Variants in ABI2 observed in about 807,000 individuals in gnomAD.
ABI2 encodes abl interactor 2.
In ABI2, 25 loss-of-function variants were observed where a neutral mutation model predicts 59.2. That is an observed-to-expected ratio of 0.42 (90% CI 0.31 to 0.59). The LOEUF (loss-of-function observed/expected upper bound fraction) is 0.59, where lower values mean the gene tolerates loss of function less well. Among genes scored for constraint, ABI2 ranks in the 20% least tolerant of loss-of-function variants. The pLI is 0.14. For missense variants in ABI2, 545 were observed against 681.8 expected (o/e 0.80, Z 2.23); for synonymous variants, 213 against 235.5 (o/e 0.90, Z 0.87).
intron 2 of ABI2, 28 bp from the exon 3 acceptor site, chr2:203,380,180 G>A: frequency 2.1e-6 from 3 of 1,416,862 alleles, no homozygotes; most frequent in Non-Finnish European, 2.9e-6. Flanking sequence ...ATACATTTTT[G>A]TGTTGTTTTT....
intron 1 of ABI2, among the ~76,000 whole-genome samples, chr2:203,337,528 A>G (rs1559149947): frequency 6.6e-6 from 1 of 152,242 alleles, no homozygotes; most frequent in African/African-American, 2.4e-5. Context: ...GTGCTCATGA[A>G]TTGGTAGATT....
At chr2:203,340,691 G>A (rs1325113837) in intron 1 of ABI2, among the ~76,000 whole-genome samples, 5 of 151,736 alleles carry the variant, frequency 3.3e-5, no homozygotes, top group Non-Finnish European at 7.4e-5. Context: ...CCCACTCCCC[G>A]CTCCCACCAA....
At chr2:203,357,298 T>A (rs911282009) in intron 1 of ABI2, among the ~76,000 whole-genome samples, 5 of 152,200 alleles carry the variant, frequency 3.3e-5, no homozygotes, top group Non-Finnish European at 7.3e-5. Flanking sequence ...AAATTAATTA[T>A]TTAAGAGCAA....
intron 1 of ABI2, among the ~76,000 whole-genome samples, chr2:203,361,896 ATAT>A (rs1482846970): frequency 3.9e-5 from 6 of 152,326 alleles, no homozygotes; most frequent in Middle Eastern, 3.4e-3. Context: ...TGATTGTACT[ATAT>A]TAGTGAGGAA....
intron 8 of ABI2, among the ~76,000 whole-genome samples, 191 bp downstream of exon 8, chr2:203,397,158 A>T (rs1054588069): frequency 2.6e-5 from 4 of 152,226 alleles, no homozygotes; most frequent in Admixed American, 1.3e-4. Context: ...AGTTTCTCAT[A>T]CATTTTTCCA....
rs58788722 is a variant in ABI2, at chr2:203,343,310, G to C, written c.117+14679G>C. Reference sequence around the variant, plus strand: ...ACTCGGGAAGCGGAGGTTGCAGTTAGCTGAGATTGCGGCACTGCACTCTAG... The same window carrying C: ...ACTCGGGAAGCGGAGGTTGCAGTTACCTGAGATTGCGGCACTGCACTCTAG... On this transcript the variant is annotated intron_variant, in intron 1 of 11. Transcript: ENST00000261018. Among the ~76,000 whole-genome samples, 973 of 152,316 alleles carry C rather than the reference G, an allele frequency of 6.4e-3. 12 individuals are homozygous for C. The highest frequency in any genetic ancestry group is 0.023 in the African/African-American group (944 of 41,564).
At chr2:203,385,565 C>T (rs2096467773) in intron 4 of ABI2, among the ~76,000 whole-genome samples, 1 of 152,172 alleles carries the variant, frequency 6.6e-6, no homozygotes, top group Non-Finnish European at 1.5e-5. Context: ...GGACTGTTTT[C>T]ACTTGAGTAC....
intron 1 of ABI2, among the ~76,000 whole-genome samples, chr2:203,365,083 T>TA (rs1317804399): frequency 2.0e-5 from 3 of 151,474 alleles, no homozygotes; most frequent in Non-Finnish European, 2.9e-5. Flanking sequence ...ATGCCCAAGT[T>TA]AAAAAAAAAT....
chr2:203,368,554 A>G (rs988893441), intron 2 of ABI2, among the ~76,000 whole-genome samples: 1 of 152,168 alleles, frequency 6.6e-6, no homozygotes, highest in African/African-American at 2.4e-5. Flanking sequence ...ATAAAATCAG[A>G]TATGGTATTT....
chr2:203,371,265 C>A (rs929067598), intron 2 of ABI2, among the ~76,000 whole-genome samples: 1 of 152,154 alleles, frequency 6.6e-6, no homozygotes, highest in African/African-American at 2.4e-5. Context: ...GAACTGTTTC[C>A]CAAATTACTC....
chr2:203,424,788 T>TTG (rs1291857569), intron 11 of ABI2, among the ~76,000 whole-genome samples: 1 of 152,250 alleles, frequency 6.6e-6, no homozygotes, highest in Non-Finnish European at 1.5e-5. Flanking sequence ...AAGAAAAAGC[T>TTG]GAACAGTTGT....
chr2:203,411,243 C>A lies in ABI2; in HGVS notation c.1193-42C>A. On this transcript the variant is annotated intron_variant, in intron 9 of 11. Transcript: ENST00000261018. ...ATTATCCTTTCCTTTTAATGTAACT[C>A]GCCCTTATCCCTTATCCTCCACACC... 4 of 1,413,540 alleles carry A rather than the reference C, an allele frequency of 2.8e-6. No individual in the cohort carries two copies. In the East Asian group the frequency reaches 6.8e-5, roughly 24 times the overall value. 87.6% of individuals were successfully genotyped at this position (1,413,540 alleles called of 1,614,324 possible). A position where few individuals can be genotyped will look rare whatever the true frequency, so the allele number is the denominator to read the frequency against.
In ABI2 at chr2:203,377,941, C is replaced by T. The variant is rs1417003262; in HGVS notation, c.286-2267C>T. Among the ~76,000 whole-genome samples, 3 of 152,106 alleles carry T rather than the reference C, an allele frequency of 2.0e-5. No homozygotes were observed. The South Asian group carries it at 6.2e-4, about 32-fold the overall frequency. ...AATTTAATCCAAATGTGATTAATTT[C>T]CATTTCTCTAAAGTTAAAAATTAAG... On this transcript the variant is annotated intron_variant, in intron 2 of 11. Coordinates refer to ENST00000261018, the MANE Select transcript of ABI2 (RefSeq NM_001375670.1).
At chr2:203,334,456 C>T (rs1168137158) in intron 1 of ABI2, among the ~76,000 whole-genome samples, 1 of 152,056 alleles carries the variant, frequency 6.6e-6, no homozygotes, top group Non-Finnish European at 1.5e-5. Flanking sequence ...TATGCAGTTT[C>T]AGGGTGTGTA....
At position 203,428,433 on chromosome 2, in the gene ABI2, T is replaced by C. The variant is rs997303936; in HGVS notation, c.*1081T>C. 6.6e-6 allele frequency: 1 copy of C among 152,648 alleles called. No homozygotes were observed. The highest frequency in any genetic ancestry group is 1.5e-5 in the Non-Finnish European group (1 of 68,044). 9.5% of individuals were successfully genotyped at this position (152,648 alleles called of 1,614,324 possible). On this transcript the variant is annotated 3_prime_UTR_variant, in exon 12 of 12. Coordinates refer to ENST00000261018, the MANE Select transcript of ABI2 (RefSeq NM_001375670.1). ...CCAGTATTAGTTGCTGCTGTATTAC[T>C]GACTCGCTTAGCTGTAGAAAGGGTA...
At chr2:203,387,973 A>C (rs542966203) in intron 4 of ABI2, among the ~76,000 whole-genome samples, 4 of 152,090 alleles carry the variant, frequency 2.6e-5, no homozygotes, top group Admixed American at 2.0e-4. Flanking sequence ...ATCAATCATG[A>C]TGGCTGTCTA....
At chr2:203,423,814 TAAAAAG>T (rs1413951314) in intron 11 of ABI2, among the ~76,000 whole-genome samples, 1 of 152,204 alleles carries the variant, frequency 6.6e-6, no homozygotes, top group Non-Finnish European at 1.5e-5. Flanking sequence ...GGATTAAAAT[TAAAAAG>T]AGAATCATTT....
chr2:203,392,546 A>C (rs1056921187), intron 5 of ABI2, among the ~76,000 whole-genome samples: 8 of 152,180 alleles, frequency 5.3e-5, no homozygotes, highest in African/African-American at 1.9e-4. Context: ...GAGAGAGAGA[A>C]AATCTAGTGG....
At chr2:203,424,329 G>T (rs926460376) in intron 11 of ABI2, among the ~76,000 whole-genome samples, 8 of 152,114 alleles carry the variant, frequency 5.3e-5, no homozygotes, top group Admixed American at 3.9e-4. Flanking sequence ...GTAAACTGCT[G>T]GTGTATATCT....
Sources: allele counts gnomAD v4.1 joint callset (sites outside exome capture counted in the v4.1 genomes callset), GRCh38; gene constraint gnomAD v4.1.1; transcripts MANE v1.5; gene names NCBI Gene and HGNC (gene_info 2026-07-23, HGNC 2026-07-21).